The following DPH6 variants were observed in gnomAD, a reference collection of about 807,000 sequenced individuals.
DPH6 encodes the protein diphthine--ammonia ligase.
In DPH6, 33 loss-of-function variants were observed where a neutral mutation model predicts 38.2. The observed-to-expected ratio is 0.86, with a 90% CI of 0.65 to 1.15. The LOEUF (loss-of-function observed/expected upper bound fraction) is 1.15, where lower values mean the gene tolerates loss of function less well. DPH6 is among the 50% of genes most tolerant of loss of function. The pLI, the probability that DPH6 is intolerant of heterozygous loss-of-function variation, is 0.00. For synonymous variants in DPH6, 108 were observed against 103.0 expected, an observed-to-expected ratio of 1.05 and a Z score of -0.30; for missense variants, 325 against 320.0, an observed-to-expected ratio of 1.02 and a Z score of -0.12.
chr15:35,329,874 AAGAAATAGGCTGCTGGACTGGTC>A (rs1447665779), downstream of DPH6, among the ~76,000 whole-genome samples: 5 of 152,194 alleles, frequency 3.3e-5, no homozygotes, highest in Admixed American at 3.3e-4. Context: ...AATGTGTTGA[AAGAAATAGGCTGCTGGACTGGTC>A]AGTGACACAA....
intron 3 of DPH6, among the ~76,000 whole-genome samples, chr15:35,253,703 T>TG: frequency 6.6e-6 from 1 of 152,194 alleles, no homozygotes; most frequent in African/African-American, 2.4e-5. Context: ...TAAGTACCCC[T>TG]TCAAGCCTAA....
intron 3 of DPH6, among the ~76,000 whole-genome samples, chr15:35,496,554 T>G (rs1276953705): frequency 2.7e-4 from 2 of 7,292 alleles, no homozygotes; most frequent in Admixed American, 2.9e-3. Context: ...AAGTTCCATC[T>G]CAAAAAAAAA....
intron 3 of DPH6, among the ~76,000 whole-genome samples, chr15:35,350,866 C>G (rs2052504634): frequency 6.6e-6 from 1 of 152,136 alleles, no homozygotes; most frequent in Non-Finnish European, 1.5e-5. Flanking sequence ...TCTTTAGAAA[C>G]ATTCTGTGGG....
the DPH6 span, among the ~76,000 whole-genome samples, chr15:35,201,002 T>TTA: frequency 3.5e-4 from 53 of 149,362 alleles, no homozygotes; most frequent in East Asian, 8.6e-3. Context: ...TTTTTTTTTT[T>TTA]ACCATTTCTA....
chr15:35,410,719 T>G, intron 6 of DPH6, 116 bp downstream of exon 6: 1 of 758,508 alleles, frequency 1.3e-6, no homozygotes, highest in Non-Finnish European at 2.0e-6. Flanking sequence ...ATAAATATAT[T>G]ATGAATGTAT....
chr15:35,476,143 G>T (rs2054261431), intron 3 of DPH6, among the ~76,000 whole-genome samples: 1 of 151,696 alleles, frequency 6.6e-6, no homozygotes, highest in South Asian at 2.1e-4. Context: ...AATATTCCTA[G>T]CTGATCGAGA....
chr15:35,292,506 TA>T, intron 3 of DPH6, among the ~76,000 whole-genome samples: 1 of 152,290 alleles, frequency 6.6e-6, no homozygotes, highest in Middle Eastern at 3.4e-3. Flanking sequence ...ACTAATATGA[TA>T]ACAGAATTTG....
chr15:35,491,220 G>T (rs2054472783), intron 3 of DPH6, among the ~76,000 whole-genome samples: 1 of 151,334 alleles, frequency 6.6e-6, no homozygotes, highest in African/African-American at 2.4e-5. Flanking sequence ...TGGATGGAAG[G>T]ATAAAGACAA....
At chr15:35,434,859 C>T (rs927917352) in intron 5 of DPH6, among the ~76,000 whole-genome samples, 5 of 152,114 alleles carry the variant, frequency 3.3e-5, no homozygotes, top group Admixed American at 1.3e-4. Flanking sequence ...CTGCAACCTC[C>T]GGCTCCCAGG....
intron 3 of DPH6, among the ~76,000 whole-genome samples, chr15:35,362,319 G>T (rs894955976): frequency 6.6e-6 from 1 of 152,110 alleles, no homozygotes; most frequent in African/African-American, 2.4e-5. Flanking sequence ...TCTGTTCTCT[G>T]TGGCCCTCAG....
chr15:35,415,319 C>G (rs2053422429), intron 5 of DPH6, among the ~76,000 whole-genome samples: 2 of 151,744 alleles, frequency 1.3e-5, no homozygotes, highest in South Asian at 4.2e-4. Flanking sequence ...AAAAAGTCTC[C>G]CATGATTGAA....
the DPH6 span, among the ~76,000 whole-genome samples, chr15:35,183,735 T>C: frequency 6.6e-6 from 1 of 152,306 alleles, no homozygotes; most frequent in South Asian, 2.1e-4. Context: ...TATTATGATG[T>C]TAAAATAAAA....
chr15:35,157,100 G>C, the DPH6 span, among the ~76,000 whole-genome samples: 2 of 152,190 alleles, frequency 1.3e-5, no homozygotes, highest in Non-Finnish European at 2.9e-5. Context: ...CTAAGGCTGA[G>C]AAGGGTGAAT....
chr15:35,467,142 CTT>C (rs1190632785), intron 3 of DPH6, among the ~76,000 whole-genome samples: 1 of 152,036 alleles, frequency 6.6e-6, no homozygotes, highest in Non-Finnish European at 1.5e-5. Flanking sequence ...GTTTTTTACT[CTT>C]TGTAATAACA....
chr15:35,247,342 A>G (rs1050272747), intron 3 of DPH6, among the ~76,000 whole-genome samples: 2 of 152,208 alleles, frequency 1.3e-5, no homozygotes, highest in African/African-American at 4.8e-5. Context: ...TCACAGGATA[A>G]TAAAATTTCA....
At chr15:35,423,919 T>C (rs1283025107) in intron 5 of DPH6, among the ~76,000 whole-genome samples, 1 of 151,772 alleles carries the variant, frequency 6.6e-6, no homozygotes, top group African/African-American at 2.4e-5. Flanking sequence ...TTCTATTCCA[T>C]TGGTCTCTAT....
intron 3 of DPH6, among the ~76,000 whole-genome samples, chr15:35,300,986 G>C (rs142013459): frequency 1.5e-4 from 23 of 152,238 alleles, no homozygotes; most frequent in Admixed American, 4.6e-4. Context: ...TATTAGAATT[G>C]AATGATCACA....
At chr15:35,408,832 T>C (rs574376084) in intron 6 of DPH6, among the ~76,000 whole-genome samples, 13 of 152,022 alleles carry the variant, frequency 8.6e-5, no homozygotes, top group Non-Finnish European at 1.6e-4. Flanking sequence ...TTCCAGGTAC[T>C]TGAGGCATCT....
chr15:35,164,081 G>A, the DPH6 span, among the ~76,000 whole-genome samples: 1 of 151,746 alleles, frequency 6.6e-6, no homozygotes, highest in Non-Finnish European at 1.5e-5. Context: ...ACCTGTAAAA[G>A]TTTTATAAAA....
Sources: allele counts gnomAD v4.1 joint callset (sites outside exome capture counted in the v4.1 genomes callset), GRCh38; gene constraint gnomAD v4.1.1; transcripts MANE v1.5; gene names NCBI Gene and HGNC (gene_info 2026-07-23, HGNC 2026-07-21).